The following SLC13A4 variants were observed in gnomAD, a reference collection of about 807,000 sequenced individuals.
SLC13A4 encodes solute carrier family 13 member 4.
SLC13A4 carries 28 observed loss-of-function variants against 72.7 expected under a neutral mutation model. That is an observed-to-expected ratio of 0.39 (90% CI 0.29 to 0.53). The LOEUF is 0.53. SLC13A4 is among the 20% of genes least tolerant of loss of function. SLC13A4 has a pLI of 0.78. For synonymous variants in SLC13A4, 312 were observed against 325.5 expected (o/e 0.96, Z 0.45); for missense variants, 653 against 788.0 (o/e 0.83, Z 2.05).
intron 6 of SLC13A4, chr7:135,702,004 G>A (rs530335621): frequency 1.3e-5 from 5 of 389,004 alleles, no homozygotes; most frequent in East Asian, 1.2e-4. Flanking sequence ...GCCCTTAGAG[G>A]AGAGCCAGCC....
At chr7:135,682,819 G>A (rs1380288652) in intron 15 of SLC13A4, among the ~76,000 whole-genome samples, 3 of 152,198 alleles carry the variant, frequency 2.0e-5, no homozygotes, top group African/African-American at 7.2e-5. Flanking sequence ...TGATTCCAGT[G>A]TAGAAAGCTA....
In SLC13A4 at chr7:135,727,498, G is replaced by A; in HGVS notation, c.-2C>T. On this transcript the variant is annotated 5_prime_UTR_variant, in exon 1 of 16. Coordinates refer to ENST00000682651, the MANE Select transcript of SLC13A4 (RefSeq NM_001318192.2). ...GAGCAGGCCCTGCAGCAGGCCCATC[G>A]CGCCTCTGTCCTCTCCAGCTCGTCC... 3 of 1,550,186 alleles carry A rather than the reference G, an allele frequency of 1.9e-6. No individual in the cohort carries two copies. Among genetic ancestry groups the A allele is most frequent in the Middle Eastern group, 1.7e-4 (1 of 5,918 alleles).
chr7:135,713,224 A>G (rs775024312), intron 2 of SLC13A4, among the ~76,000 whole-genome samples: 2 of 152,208 alleles, frequency 1.3e-5, no homozygotes, highest in Non-Finnish European at 2.9e-5. Context: ...AGTAAAGTGC[A>G]TGGATTTTAG....
rs1796155399 is a variant in SLC13A4 at position 135,706,144 on chromosome 7, T to G, written c.522A>C (p.Glu174Asp). ...AAACTGTACTGATGGGTTCGGCCTC[T>G]TCGGTGTTGGAGTTGCCCGCCACGA... The part of the protein sequence containing the change: ...EQLVAGNSNT[E>D]EAEPISLDVK... The change falls in exon 4 of 16, where the codon GAA becomes GAC. Residue 174 changes from glutamate (E) to aspartate (D), a missense_variant. Physicochemically the swap from Glu to Asp is conservative, Grantham distance 45. Transcript: ENST00000682651. 2.5e-6 allele frequency: 4 copies of G among 1,603,740 alleles called. No individual in the cohort carries two copies. The highest frequency in any genetic ancestry group is 2.2e-5 in the East Asian group (1 of 44,594).
chr7:135,711,804 C>T (rs1297649140), intron 2 of SLC13A4, among the ~76,000 whole-genome samples: 5 of 151,956 alleles, frequency 3.3e-5, no homozygotes, highest in African/African-American at 1.2e-4. Flanking sequence ...GTGGCCCAGA[C>T]TGGAGTGCAG....
intron 1 of SLC13A4, 23 bp downstream of exon 1, chr7:135,727,375 G>A (rs1159228786): frequency 4.6e-5 from 71 of 1,546,060 alleles, no homozygotes; most frequent in Non-Finnish European, 5.7e-5. Context: ...CCAGACCCCC[G>A]GTGGGCGCAG....
At chr7:135,709,646 G>A (rs755302477) in intron 2 of SLC13A4, among the ~76,000 whole-genome samples, 5 of 152,082 alleles carry the variant, frequency 3.3e-5, no homozygotes, top group African/African-American at 4.8e-5. Flanking sequence ...AAGATGTTTC[G>A]CATGTTTGAG....
chr7:135,720,383 A>G (rs1316753780), intron 2 of SLC13A4, among the ~76,000 whole-genome samples: 1 of 152,048 alleles, frequency 6.6e-6, no homozygotes, highest in Admixed American at 6.5e-5. Context: ...TGTAAAATGG[A>G]AATACTAGCA....
intron 1 of SLC13A4, among the ~76,000 whole-genome samples, chr7:135,727,114 T>C (rs1796678021): frequency 6.6e-6 from 1 of 152,220 alleles, no homozygotes; most frequent in African/African-American, 2.4e-5. Flanking sequence ...GCTGGCCTGC[T>C]GCTTGGTGCA....
chr7:135,717,151 G>T (rs570953942), intron 2 of SLC13A4, among the ~76,000 whole-genome samples: 81 of 152,250 alleles, frequency 5.3e-4, no homozygotes, highest in African/African-American at 1.7e-3. Context: ...ACCCTAATCT[G>T]ATGCCAACAT....
rs769326461 is a variant in SLC13A4 at position 135,706,297 on chromosome 7, C to T, written c.369G>A (p.Leu123=). ...VLMAGAKPGM[L]LLCFMCCTTL... Reference sequence around the variant, plus strand: ...TGGTACAGCACATGAAGCAGAGCAGCAGCCTGGAAGGCAGGGAGGGTTGGG... The same window carrying T: ...TGGTACAGCACATGAAGCAGAGCAGTAGCCTGGAAGGCAGGGAGGGTTGGG... Residue 123 remains leucine, a synonymous_variant, in exon 4 of 16, where the codon CTG becomes CTA. Transcript: ENST00000682651. 1.1e-5 allele frequency: 17 copies of T among 1,601,112 alleles called. No individual in the cohort carries two copies. Among genetic ancestry groups the T allele is most frequent in the Middle Eastern group, 1.7e-4 (1 of 6,022 alleles).
Position 135,721,581 on chromosome 7 carries a change from C to G in SLC13A4, c.100-58G>C, listed in dbSNP as rs1421989985. On this transcript the variant is annotated intron_variant, in intron 1 of 15. Transcript: ENST00000682651. ...GGAATAGTCACTGCCACTGAGCGTC[C>G]GGATGCAACCCTGGCATCTGAGGCA... The G allele has an allele frequency of 1.9e-6, 3 of 1,600,430 alleles. No individual in the cohort carries two copies. The African/African-American group carries it at 4.0e-5, about 21-fold the overall frequency.
rs1355441798 is a variant in SLC13A4 at position 135,701,687 on chromosome 7, G to A, written c.707C>T (p.Pro236Leu). The A allele has an allele frequency of 6.2e-7, 1 of 1,613,476 alleles. No homozygotes were observed. The highest frequency in any genetic ancestry group is 1.7e-5 in the Admixed American group (1 of 59,942). ...ANQHQGKKQH[P>L]SQEKPQVLTP... ...AAGGGGCCGTTCTATTACCTGGGATGGGTGTTGCTTCTTGCCCTGGTGTTG... is the reference window on the plus strand; with the variant it reads ...AAGGGGCCGTTCTATTACCTGGGATAGGTGTTGCTTCTTGCCCTGGTGTTG... Residue 236 changes from proline (P) to leucine (L), a missense_variant, in exon 7 of 16, where the codon CCA (proline) becomes CTA (leucine). By Grantham distance (98) the Pro-to-Leu change is moderately conservative. Transcript: ENST00000682651.
Position 135,727,416 on chromosome 7 carries a change from G to A in SLC13A4, c.81C>T (p.Pro27=), listed in dbSNP as rs149321060. The A allele has an allele frequency of 1.9e-3, 2,941 of 1,549,630 alleles. 10 individuals are homozygous for A. The highest frequency in any genetic ancestry group is 2.3e-3 in the Non-Finnish European group (2,626 of 1,146,900). The change falls in exon 1 of 16, where the codon CCC becomes CCT. Residue 27 remains proline, a synonymous_variant. Coordinates refer to ENST00000682651, the MANE Select transcript of SLC13A4 (RefSeq NM_001318192.2). ...VCVPLLLLPL[P]VLHPSSEASC... is the part of the protein sequence containing the mutation. ...TACTCACGCTGCTGGGGTGGAGGACGGGCAGAGGCAGCAGCAGGAGCGGGA... is the reference window on the plus strand; with the variant it reads ...TACTCACGCTGCTGGGGTGGAGGACAGGCAGAGGCAGCAGCAGGAGCGGGA...
chr7:135,716,065 T>A (rs1796427690), intron 2 of SLC13A4, among the ~76,000 whole-genome samples: 1 of 152,158 alleles, frequency 6.6e-6, no homozygotes, highest in Non-Finnish European at 1.5e-5. Flanking sequence ...TTTTCCTTTA[T>A]ACAGAACGGG....
chr7:135,682,863 C>T (rs1028875350), intron 15 of SLC13A4, among the ~76,000 whole-genome samples: 9 of 151,982 alleles, frequency 5.9e-5, no homozygotes, highest in Non-Finnish European at 7.4e-5. Context: ...GCAGAGGAAG[C>T]GGGAGACAGG....
intron 2 of SLC13A4, among the ~76,000 whole-genome samples, chr7:135,708,633 A>G (rs574623456): frequency 4.1e-4 from 62 of 152,264 alleles, no homozygotes; most frequent in Admixed American, 1.2e-3. Context: ...TTTCTCCCCA[A>G]ACCTAATTTT....
rs781334914 is a variant in SLC13A4 at position 135,685,592 on chromosome 7, A to G, written c.1538T>C (p.Val513Ala). ...WAVTLLACIL[V>A]SIVTEFVSNP... ...GCTCACAAACTCAGTGACAATGGAC[A>G]CGAGGATGCATGCCAGCAGGGTGAC... is the stretch of plus-strand genomic sequence containing the variant. The change falls in exon 14 of 16, where the codon GTG becomes GCG. Residue 513 changes from valine to alanine, a missense_variant. Coordinates refer to ENST00000682651, the MANE Select transcript of SLC13A4 (RefSeq NM_001318192.2). The G allele has an allele frequency of 6.2e-7, 1 of 1,614,220 alleles. No individual in the cohort carries two copies. Among genetic ancestry groups the G allele is most frequent in the South Asian group, 1.1e-5 (1 of 91,088 alleles).
rs142361121 is a variant in SLC13A4 at position 135,721,323 on chromosome 7, C to G, written c.228+72G>C. On this transcript the variant is annotated intron_variant, in intron 2 of 15. Coordinates refer to ENST00000682651, the MANE Select transcript of SLC13A4 (RefSeq NM_001318192.2). ...CATCGTCAAGTGCTGGGTGAATCTC[C>G]CTTCATTGGAGGCTCTCTTTCAGGG... is the stretch of plus-strand genomic sequence containing the variant. 16 of 1,570,728 alleles carry G rather than the reference C, an allele frequency of 1.0e-5. No homozygotes were observed. The African/African-American group carries it at 1.9e-4, about 19-fold the overall frequency.
Sources: allele counts gnomAD v4.1 joint callset (sites outside exome capture counted in the v4.1 genomes callset), GRCh38; gene constraint gnomAD v4.1.1; transcripts MANE v1.5; gene names NCBI Gene and HGNC (gene_info 2026-07-23, HGNC 2026-07-21).